Variants in MIR2052HG observed in about 807,000 individuals in gnomAD.
MIR2052HG encodes MIR2052 host gene.
At chr8:74,679,047 C>G (rs1306816389) in intron 2 of MIR2052HG, among the ~76,000 whole-genome samples, 1 of 152,132 alleles carries the variant, frequency 6.6e-6, no homozygotes, top group African/African-American at 2.4e-5. Flanking sequence ...AAGAGAATAT[C>G]TTTATCAAAA....
chr8:74,616,602 T>G (rs1340672346), intron 2 of MIR2052HG, among the ~76,000 whole-genome samples: 2 of 152,052 alleles, frequency 1.3e-5, no homozygotes, highest in Non-Finnish European at 2.9e-5. Context: ...GATTTTCATT[T>G]CATTCATATA....
chr8:74,716,291 G>A (rs1296686038), intron 4 of MIR2052HG, among the ~76,000 whole-genome samples: 1 of 152,202 alleles, frequency 6.6e-6, no homozygotes, highest in Non-Finnish European at 1.5e-5. Context: ...GAATGGTGAA[G>A]AGTATCCCTT....
chr8:74,743,502 G>A (rs1447376542), intron 4 of MIR2052HG, among the ~76,000 whole-genome samples: 2 of 152,160 alleles, frequency 1.3e-5, no homozygotes, highest in Admixed American at 6.6e-5. Context: ...GAAGGGAAGT[G>A]TAATCTGAGA....
intron 2 of MIR2052HG, among the ~76,000 whole-genome samples, chr8:74,664,526 T>G (rs1447276432): frequency 1.3e-5 from 2 of 152,184 alleles, no homozygotes; most frequent in East Asian, 3.8e-4. Flanking sequence ...TTTTTTATTT[T>G]TATTTTTTGA....
intron 2 of MIR2052HG, among the ~76,000 whole-genome samples, chr8:74,618,241 T>A (rs1416454565): frequency 1.3e-5 from 2 of 152,230 alleles, no homozygotes; most frequent in African/African-American, 4.8e-5. Flanking sequence ...TGCTCACCAT[T>A]TTCCGTCCTC....
chr8:74,752,281 CAAA>C (rs34347449), intron 4 of MIR2052HG, among the ~76,000 whole-genome samples: 33 of 79,364 alleles, frequency 4.2e-4, no homozygotes, highest in African/African-American at 1.3e-3. Flanking sequence ...GATCCTGTCT[CAAA>C]AAAAAAAAAA....
At chr8:74,730,128 T>C (rs1172249265) in intron 4 of MIR2052HG, among the ~76,000 whole-genome samples, 15 of 152,200 alleles carry the variant, frequency 9.9e-5, no homozygotes, top group Admixed American at 9.8e-4. Flanking sequence ...TCAGTATTAC[T>C]GAAGGAATCA....
chr8:74,647,739 A>G (rs894528770), intron 2 of MIR2052HG, among the ~76,000 whole-genome samples: 5 of 152,194 alleles, frequency 3.3e-5, no homozygotes, highest in African/African-American at 1.2e-4. Flanking sequence ...AAGAACATGA[A>G]TTGTGAAGAT....
chr8:74,653,901 G>A (rs914802770), intron 2 of MIR2052HG, among the ~76,000 whole-genome samples: 17 of 152,114 alleles, frequency 1.1e-4, no homozygotes, highest in African/African-American at 3.6e-4. Context: ...TGAAGAAATT[G>A]TTGATTTAAA....
At chr8:74,752,392 C>A (rs1302388754) in intron 4 of MIR2052HG, 2 of 439,352 alleles carry the variant, frequency 4.6e-6, no homozygotes, top group African/African-American at 2.0e-5. Flanking sequence ...AGCATTTGAT[C>A]ACATTTGGGA....
chr8:74,649,115 T>C (rs1808725597), intron 2 of MIR2052HG, among the ~76,000 whole-genome samples: 1 of 152,030 alleles, frequency 6.6e-6, no homozygotes, highest in African/African-American at 2.4e-5. Flanking sequence ...CTGATGTTTG[T>C]GGCTTAGCTC....
intron 2 of MIR2052HG, among the ~76,000 whole-genome samples, chr8:74,668,173 A>T (rs189871141): frequency 6.6e-6 from 1 of 152,006 alleles, no homozygotes; most frequent in East Asian, 1.9e-4. Flanking sequence ...GGCTACTGAC[A>T]CATTGCTTTT....
chr8:74,722,746 G>A (rs113342655), intron 4 of MIR2052HG, among the ~76,000 whole-genome samples: 29 of 152,274 alleles, frequency 1.9e-4, no homozygotes, highest in African/African-American at 6.7e-4. Context: ...CTGGTCAATG[G>A]TTATCTCATT....
intron 2 of MIR2052HG, among the ~76,000 whole-genome samples, chr8:74,690,446 A>G (rs1041073929): frequency 5.9e-5 from 9 of 151,986 alleles, no homozygotes; most frequent in African/African-American, 1.9e-4. Flanking sequence ...GTAGGATTAA[A>G]GAGTGTTAAG....
At chr8:74,745,569 G>T (rs935610058) in intron 4 of MIR2052HG, among the ~76,000 whole-genome samples, 1 of 150,680 alleles carries the variant, frequency 6.6e-6, no homozygotes, top group African/African-American at 2.4e-5. Context: ...ATCACTGTGG[G>T]TTTTTTTTTC....
At chr8:74,746,143 C>A (rs139384654) in intron 4 of MIR2052HG, among the ~76,000 whole-genome samples, 144 of 152,256 alleles carry the variant, frequency 9.5e-4, no homozygotes, top group African/African-American at 3.4e-3. Flanking sequence ...TAGATTCTCT[C>A]AATCACTCGC....
chr8:74,661,916 G>A (rs1808869583), intron 2 of MIR2052HG, among the ~76,000 whole-genome samples: 2 of 152,194 alleles, frequency 1.3e-5, no homozygotes, highest in South Asian at 2.1e-4. Flanking sequence ...ATTGAAAAAC[G>A]ATATATCTAG....
intron 2 of MIR2052HG, among the ~76,000 whole-genome samples, chr8:74,680,193 A>G (rs560230307): frequency 6.6e-6 from 1 of 152,324 alleles, no homozygotes; most frequent in South Asian, 2.1e-4. Flanking sequence ...TAAAGCTCAT[A>G]AAACTAACAA....
intron 2 of MIR2052HG, among the ~76,000 whole-genome samples, chr8:74,655,727 C>G (rs4735740): frequency 0.43 from 65,946 of 151,986 alleles, 14,873 homozygotes; most frequent in East Asian, 0.66. Flanking sequence ...TTGGATCCCC[C>G]CCAAACACAC....
Sources: gnomAD v4.1 joint callset for allele counts (sites outside exome capture counted in the v4.1 genomes callset) on GRCh38, gnomAD v4.1.1 for gene constraint, MANE v1.5 for transcripts, NCBI Gene and HGNC (gene_info 2026-07-23, HGNC 2026-07-21) for gene names.